The following NRF1 variants were observed in gnomAD, a reference collection of about 807,000 sequenced individuals.
The protein encoded by NRF1 is nuclear respiratory factor 1.
A neutral mutation model predicts 58.5 loss-of-function variants in NRF1; 5 were observed. The ratio of observed to expected loss-of-function variants is 0.09; its 90% CI spans 0.04 to 0.18. The LOEUF is 0.18. Ranked by LOEUF, NRF1 falls within the 10% of genes least tolerant of loss-of-function variation. NRF1 has a pLI of 1.00. For synonymous variants in NRF1, 224 were observed against 246.7 expected, an observed-to-expected ratio of 0.91 and a Z score of 0.86; for missense variants, 288 against 657.7, an observed-to-expected ratio of 0.44 and a Z score of 6.15.
chr7:129,668,108 T>C (rs148037532), intron 2 of NRF1, among the ~76,000 whole-genome samples: 105 of 152,318 alleles, frequency 6.9e-4, no homozygotes, highest in African/African-American at 2.3e-3. Flanking sequence ...AATCCACCTG[T>C]AATTTATTTT....
chr7:129,627,518 T>C (rs1800946623), intron 1 of NRF1, among the ~76,000 whole-genome samples: 1 of 152,176 alleles, frequency 6.6e-6, no homozygotes, highest in African/African-American at 2.4e-5. Flanking sequence ...AAGTGCTTTT[T>C]TAAAAAAGAG....
At chr7:129,750,924 C>T (rs958317176) in intron 10 of NRF1, among the ~76,000 whole-genome samples, 1 of 152,216 alleles carries the variant, frequency 6.6e-6, no homozygotes, top group African/African-American at 2.4e-5. Context: ...AAGCAGGTTT[C>T]ATTCATGGTA....
chr7:129,733,330 G>A (rs1243149113), intron 10 of NRF1, among the ~76,000 whole-genome samples: 7 of 151,912 alleles, frequency 4.6e-5, no homozygotes, highest in African/African-American at 1.7e-4. Flanking sequence ...AGCCAGGCGC[G>A]GTGGCGGGTG....
chr7:129,648,311 G>T (rs893372834), intron 1 of NRF1, among the ~76,000 whole-genome samples: 5 of 122,620 alleles, frequency 4.1e-5, no homozygotes, highest in Non-Finnish European at 4.7e-5. Flanking sequence ...AAGGAGTCTC[G>T]CTCTGTCGCC....
intron 5 of NRF1, among the ~76,000 whole-genome samples, chr7:129,708,097 G>A (rs1399269992): frequency 6.6e-6 from 1 of 152,094 alleles, no homozygotes; most frequent in Non-Finnish European, 1.5e-5. Context: ...GTTTTCAGCT[G>A]CAGGGGCAGT....
intron 4 of NRF1, among the ~76,000 whole-genome samples, chr7:129,679,849 G>A (rs1399095541): frequency 6.6e-6 from 1 of 152,012 alleles, no homozygotes; most frequent in Non-Finnish European, 1.5e-5. Flanking sequence ...CTTGAAGTCA[G>A]GAGTTCAAGA....
At chr7:129,710,707 A>C in intron 7 of NRF1, 136 bp downstream of exon 7, 1 of 628,490 alleles carries the variant, frequency 1.6e-6, no homozygotes, top group East Asian at 2.7e-5. Context: ...TTCCTACCTG[A>C]AATTGATTTC....
chr7:129,730,333 GT>G (rs933082894), intron 10 of NRF1, among the ~76,000 whole-genome samples: 5 of 152,070 alleles, frequency 3.3e-5, no homozygotes, highest in Non-Finnish European at 7.4e-5. Flanking sequence ...TCCAGGCCAA[GT>G]TTTTTTAATC....
chr7:129,622,205 C>T (rs1051599896), intron 1 of NRF1, among the ~76,000 whole-genome samples: 3 of 152,202 alleles, frequency 2.0e-5, no homozygotes, highest in Admixed American at 6.5e-5. Flanking sequence ...TTCAAGTTAT[C>T]CTTAATGAAA....
chr7:129,719,543 C>CACACACACACACACACACACACAA (rs1255895761), intron 9 of NRF1, among the ~76,000 whole-genome samples: 30 of 142,162 alleles, frequency 2.1e-4, no homozygotes, highest in African/African-American at 7.9e-4. Context: ...CACACACACA[C>CACACACACACACACACACACACAA]AACACATCTT....
intron 1 of NRF1, among the ~76,000 whole-genome samples, chr7:129,647,728 A>G (rs540480712): frequency 6.6e-6 from 1 of 152,338 alleles, no homozygotes; most frequent in South Asian, 2.1e-4. Context: ...ATATAAAAGC[A>G]TCATTGTTAA....
chr7:129,692,784 C>T (rs1326771602), intron 5 of NRF1, among the ~76,000 whole-genome samples: 1 of 152,096 alleles, frequency 6.6e-6, no homozygotes, highest in African/African-American at 2.4e-5. Flanking sequence ...CCTCAAACAC[C>T]CTGCATCCGT....
chr7:129,715,974 C>T (rs1803178646), intron 8 of NRF1, among the ~76,000 whole-genome samples: 1 of 150,996 alleles, frequency 6.6e-6, no homozygotes, highest in African/African-American at 2.4e-5. Flanking sequence ...CACTGCACTC[C>T]AGCCTGGGCA....
At chr7:129,702,984 G>A (rs1006624437) in intron 5 of NRF1, among the ~76,000 whole-genome samples, 1 of 152,178 alleles carries the variant, frequency 6.6e-6, no homozygotes, top group Non-Finnish European at 1.5e-5. Context: ...TTGTTGGATA[G>A]CAAAGAACTA....
intron 10 of NRF1, among the ~76,000 whole-genome samples, chr7:129,736,345 A>G (rs917656626): frequency 9.1e-4 from 133 of 145,646 alleles, no homozygotes; most frequent in African/African-American, 3.1e-3. Flanking sequence ...GCAGTGGCAC[A>G]ATCTTAGCTC....
At chr7:129,666,714 T>C (rs1228607020) in intron 2 of NRF1, among the ~76,000 whole-genome samples, 1 of 152,150 alleles carries the variant, frequency 6.6e-6, no homozygotes, top group Admixed American at 6.5e-5. Flanking sequence ...GTATTTTTAG[T>C]AGAGATGGGG....
chr7:129,677,208 T>A (rs893033421), intron 3 of NRF1, among the ~76,000 whole-genome samples: 2 of 152,030 alleles, frequency 1.3e-5, no homozygotes, highest in African/African-American at 2.4e-5. Flanking sequence ...AGACGGGTTT[T>A]ACACCATGTT....
Position 129,657,348 on chromosome 7 carries a change from C to T in NRF1, c.-4C>T. On this transcript the variant is annotated splice_region_variant and 5_prime_UTR_variant, in exon 2 of 11. Coordinates refer to ENST00000393232, the MANE Select transcript of NRF1 (RefSeq NM_005011.5). The stretch of plus-strand genomic sequence containing the variant: ...TTTTCTTTTTTGTCTGACAGTAGAA[C>T]TTCATGGAGGAACACGGAGTGACCC... 1 of 1,611,144 alleles carries T rather than the reference C, an allele frequency of 6.2e-7. No individual in the cohort carries two copies. Among genetic ancestry groups the T allele is most frequent in the Non-Finnish European group, 8.5e-7 (1 of 1,177,320 alleles).
intron 8 of NRF1, among the ~76,000 whole-genome samples, chr7:129,716,869 C>CA (rs35766307): frequency 0.47 from 67,873 of 142,916 alleles, 16,257 homozygotes; most frequent in East Asian, 0.78. Context: ...GACTCCCTCT[C>CA]AAAAAAAAAA....
Sources: allele counts gnomAD v4.1 joint callset (sites outside exome capture counted in the v4.1 genomes callset), GRCh38; gene constraint gnomAD v4.1.1; transcripts MANE v1.5; gene names NCBI Gene and HGNC (gene_info 2026-07-23, HGNC 2026-07-21).